The following CNTNAP2 variants were observed in gnomAD, a reference collection of about 807,000 sequenced individuals.
CNTNAP2 encodes the protein contactin-associated protein-like 2.
A neutral mutation model predicts 155.2 loss-of-function variants in CNTNAP2; 98 were observed. The ratio of observed to expected loss-of-function variants is 0.63; its 90% confidence interval spans 0.54 to 0.75. The LOEUF is 0.75. Among genes scored for constraint, CNTNAP2 ranks in the 30% least tolerant of loss-of-function variants. The pLI is 0.00. For missense variants in CNTNAP2, 1,727 were observed against 1,688.1 expected (o/e 1.02, Z -0.40); for synonymous variants, 651 against 631.2 (o/e 1.03, Z -0.47).
At chr7:147,465,652 T>TA (rs1798108008) in intron 10 of CNTNAP2, among the ~76,000 whole-genome samples, 1 of 152,214 alleles carries the variant, frequency 6.6e-6, no homozygotes, top group Non-Finnish European at 1.5e-5. Context: ...CCGTATCATT[T>TA]AAAAAGTTAT....
chr7:147,925,300 A>G (rs879807071), intron 14 of CNTNAP2, among the ~76,000 whole-genome samples: 17,897 of 87,166 alleles, frequency 0.21, 1,387 homozygotes, highest in Middle Eastern at 0.23. Context: ...GCGCACACAC[A>G]CACACACACA....
intron 11 of CNTNAP2, chr7:147,497,005 C>T (rs184641065): frequency 6.6e-6 from 1 of 152,052 alleles, no homozygotes; most frequent in East Asian, 1.9e-4. Flanking sequence ...ATGTCTAACA[C>T]CATTAATAAG....
chr7:147,034,141 A>G (rs1317296997), intron 3 of CNTNAP2, among the ~76,000 whole-genome samples: 2 of 152,174 alleles, frequency 1.3e-5, no homozygotes, highest in Admixed American at 1.3e-4. Flanking sequence ...ATACCATGTA[A>G]GGTAATTTCC....
chr7:146,829,635 A>G (rs1326630657), intron 2 of CNTNAP2, among the ~76,000 whole-genome samples: 1 of 152,090 alleles, frequency 6.6e-6, no homozygotes, highest in African/African-American at 2.4e-5. Flanking sequence ...TAATCTGTAG[A>G]CATAAAAGCA....
chr7:147,767,492 A>G (rs907722367), intron 13 of CNTNAP2, among the ~76,000 whole-genome samples: 2 of 152,072 alleles, frequency 1.3e-5, no homozygotes, highest in African/African-American at 4.8e-5. Context: ...TTATCTTCAG[A>G]TGTGTAATCA....
At chr7:146,162,709 CAT>C (rs1798243649) in intron 1 of CNTNAP2, among the ~76,000 whole-genome samples, 1 of 152,080 alleles carries the variant, frequency 6.6e-6, no homozygotes, top group African/African-American at 2.4e-5. Flanking sequence ...CATGCTCACA[CAT>C]GTTTATTGCA....
intron 16 of CNTNAP2, among the ~76,000 whole-genome samples, chr7:148,144,441 G>A (rs1157313114): frequency 3.3e-5 from 5 of 152,212 alleles, no homozygotes; most frequent in Non-Finnish European, 7.3e-5. Context: ...ATGTGAACGG[G>A]AAGCTCAGGC....
chr7:147,679,153 T>C (rs1202852547), intron 13 of CNTNAP2, among the ~76,000 whole-genome samples: 1 of 151,896 alleles, frequency 6.6e-6, no homozygotes, highest in African/African-American at 2.4e-5. Flanking sequence ...GATATATGAG[T>C]GTGATAACTT....
chr7:147,481,004 C>T (rs1401151570), intron 10 of CNTNAP2, among the ~76,000 whole-genome samples: 1 of 152,174 alleles, frequency 6.6e-6, no homozygotes, highest in African/African-American at 2.4e-5. Flanking sequence ...AGCAGTTATT[C>T]TGATACACAC....
At chr7:147,947,337 T>A (rs1800838175) in intron 14 of CNTNAP2, among the ~76,000 whole-genome samples, 2 of 151,290 alleles carry the variant, frequency 1.3e-5, no homozygotes, top group African/African-American at 4.9e-5. Context: ...GAAATTCCGG[T>A]TCTGGTACAG....
intron 1 of CNTNAP2, among the ~76,000 whole-genome samples, chr7:146,246,973 CTAT>C (rs1799670661): frequency 6.6e-6 from 1 of 152,010 alleles, no homozygotes; most frequent in Non-Finnish European, 1.5e-5. Context: ...CAACTTTTTT[CTAT>C]TATTGTACAC....
chr7:148,331,237 T>A (rs1275882489), intron 21 of CNTNAP2, among the ~76,000 whole-genome samples: 1 of 88,876 alleles, frequency 1.1e-5, no homozygotes, highest in Non-Finnish European at 2.1e-5. Context: ...AGTGGATGGA[T>A]GGAACAGATG....
intron 1 of CNTNAP2, among the ~76,000 whole-genome samples, chr7:146,479,647 T>C (rs920757712): frequency 6.6e-6 from 1 of 151,954 alleles, no homozygotes; most frequent in Admixed American, 6.6e-5. Flanking sequence ...AACAAATAAT[T>C]TTATAAACTT....
chr7:146,643,609 G>A lies in CNTNAP2; in HGVS notation c.98-130662G>A, dbSNP rs181093981. Among the ~76,000 whole-genome samples, 174 of 152,250 alleles carry A rather than the reference G, an allele frequency of 1.1e-3. 1 individual carries two copies. Among genetic ancestry groups the A allele is most frequent in the Non-Finnish European group, 2.1e-3 (141 of 68,012 alleles). On this transcript the variant is annotated intron_variant, in intron 1 of 23. Coordinates refer to ENST00000361727, the MANE Select transcript of CNTNAP2 (RefSeq NM_014141.6). ...CAGGTAGCGTGATGCCTCCAGCTTT[G>A]TTCTTTTGGCTTAGGGTTGACTTGG...
chr7:146,769,212 G>GT (rs1290532725), intron 1 of CNTNAP2, among the ~76,000 whole-genome samples: 5 of 152,346 alleles, frequency 3.3e-5, no homozygotes, highest in African/African-American at 1.2e-4. Flanking sequence ...TATGGCTGTA[G>GT]TTTTGGAAGA....
chr7:147,912,665 G>A (rs556320656), intron 14 of CNTNAP2, among the ~76,000 whole-genome samples: 4 of 152,214 alleles, frequency 2.6e-5, no homozygotes, highest in East Asian at 1.9e-4. Flanking sequence ...AGCTCCCAGC[G>A]AAGCCTCCTA....
chr7:148,078,108 G>C (rs1389714128), intron 15 of CNTNAP2, among the ~76,000 whole-genome samples: 1 of 151,858 alleles, frequency 6.6e-6, no homozygotes, highest in African/African-American at 2.4e-5. Context: ...CTGTCACCCA[G>C]GCTGGAGTGC....
chr7:147,344,385 A>G (rs986955726), intron 9 of CNTNAP2, among the ~76,000 whole-genome samples: 1 of 152,186 alleles, frequency 6.6e-6, no homozygotes, highest in Non-Finnish European at 1.5e-5. Context: ...AGCTAAGAGG[A>G]TAAATTGAAC....
intron 22 of CNTNAP2, among the ~76,000 whole-genome samples, chr7:148,396,351 G>C (rs1799468180): frequency 6.6e-6 from 1 of 152,142 alleles, no homozygotes; most frequent in Non-Finnish European, 1.5e-5. Context: ...GCATTTTTGA[G>C]TATTCTTCAG....
Sources: allele counts gnomAD v4.1 joint callset (sites outside exome capture counted in the v4.1 genomes callset), GRCh38; gene constraint gnomAD v4.1.1; transcripts MANE v1.5; gene names NCBI Gene and HGNC (gene_info 2026-07-23, HGNC 2026-07-21).